SLC16A4: variants seen among roughly 807,000 people sequenced by gnomAD.
SLC16A4 encodes the protein probable monocarboxylate transporter 5.
Under a neutral mutation model 47.9 loss-of-function variants are expected in SLC16A4, and 39 were observed. The ratio of observed to expected loss-of-function variants is 0.81; its 90% confidence interval spans 0.63 to 1.06. SLC16A4 has a LOEUF of 1.06. Ranked by LOEUF, SLC16A4 falls within the 50% of genes least tolerant of loss-of-function variation. The pLI is 0.00. For missense variants in SLC16A4, 524 were observed against 573.8 expected (o/e 0.91, Z 0.89); for synonymous variants, 189 against 199.9 (o/e 0.95, Z 0.46).
chr1:110,380,641 G>A (rs534911073), intron 5 of SLC16A4, among the ~76,000 whole-genome samples: 1 of 139,098 alleles, frequency 7.2e-6, no homozygotes, highest in South Asian at 2.7e-4. Context: ...CGGGGGCGGG[G>A]GGGGAAGGGG....
intron 2 of SLC16A4, among the ~76,000 whole-genome samples, chr1:110,383,763 GAA>G (rs1557913434): frequency 2.2e-5 from 3 of 135,236 alleles, no homozygotes; most frequent in African/African-American, 8.6e-5. Context: ...AGGCAGGAAG[GAA>G]GTGTTTTTTT....
chr1:110,365,938 T>C (rs1661350500), intron 8 of SLC16A4, among the ~76,000 whole-genome samples: 1 of 152,044 alleles, frequency 6.6e-6, no homozygotes, highest in Admixed American at 6.6e-5. Context: ...TTTATAAGCC[T>C]TTTCTTTCTT....
chr1:110,383,565 C>A (rs1299733527), intron 2 of SLC16A4, among the ~76,000 whole-genome samples: 1 of 152,068 alleles, frequency 6.6e-6, no homozygotes, highest in Non-Finnish European at 1.5e-5. Context: ...TGGGTGGTGC[C>A]AGCTGATCCA....
intron 8 of SLC16A4, among the ~76,000 whole-genome samples, chr1:110,368,398 T>TA (rs1661508396): frequency 6.6e-6 from 1 of 152,214 alleles, no homozygotes; most frequent in African/African-American, 2.4e-5. Context: ...GATGCAGAAT[T>TA]ATTAAGCTGA....
chr1:110,363,813 A>AG lies in SLC16A4; in HGVS notation c.1416dup (p.Phe473LeufsTer27), dbSNP rs1491262029. On this transcript the variant is annotated frameshift_variant, in exon 9 of 9. Transcript: ENST00000369779. LOFTEE classifies it high-confidence loss of function. ...CTTTCGGCCAATGGTACAAAAAAAA[A>AG]GGAAACTGAAGAGAGGAGATAGCAT... 1.2e-6 allele frequency: 2 copies of AG among 1,612,176 alleles called. No individual in the cohort carries two copies. The highest frequency in any genetic ancestry group is 1.7e-6 in the Non-Finnish European group (2 of 1,179,350).
rs1661201674 is a variant in SLC16A4 at position 110,363,631 on chromosome 1, A to C, written c.*135T>G. 1 of 988,178 alleles carries C rather than the reference A, an allele frequency of 1.0e-6. No individual in the cohort carries two copies. 61.2% of individuals were successfully genotyped at this position (988,178 alleles called of 1,614,324 possible). On this transcript the variant is annotated 3_prime_UTR_variant, in exon 9 of 9. Coordinates refer to ENST00000369779, the MANE Select transcript of SLC16A4 (RefSeq NM_004696.3). ...AAAGAGCGAGACTCCGTCTCAAAAA[A>C]AAAAAAAAAAAAATTGTTTTCCTTC...
chr1:110,381,007 G>C lies in SLC16A4; in HGVS notation c.501C>G (p.Phe167Leu), dbSNP rs761628999. Residue 167 changes from phenylalanine (F) to leucine (L), a missense_variant, in exon 5 of 9, where the codon TTC becomes TTG. Transcript: ENST00000369779. ...LTFLLAPFTK[F>L]LIDLYDWTGA... ...CTGTCCAGTCATACAGATCTATCAGGAATTTTGTAAAGGGTGCCAAAAGAA... is the reference window on the plus strand; with the variant it reads ...CTGTCCAGTCATACAGATCTATCAGCAATTTTGTAAAGGGTGCCAAAAGAA... 1.9e-6 allele frequency: 3 copies of C among 1,614,094 alleles called. 1 individual carries two copies. In the South Asian group the frequency reaches 3.3e-5, roughly 18 times the overall value.
intron 2 of SLC16A4, among the ~76,000 whole-genome samples, chr1:110,387,530 G>T (rs1001837244): frequency 1.3e-5 from 2 of 152,210 alleles, no homozygotes; most frequent in African/African-American, 4.8e-5. Context: ...TGAGGATCCA[G>T]TGCATTTTTT....
At chr1:110,376,043 A>AT (rs1423830450) in intron 7 of SLC16A4, among the ~76,000 whole-genome samples, 1 of 151,730 alleles carries the variant, frequency 6.6e-6, no homozygotes, top group Non-Finnish European at 1.5e-5. Context: ...CACCTGGCTA[A>AT]TTTTTTTATT....
chr1:110,372,697 G>A (rs951391292), intron 8 of SLC16A4: 1 of 152,202 alleles, frequency 6.6e-6, no homozygotes, highest in Non-Finnish European at 1.5e-5. Context: ...CTAGGAGCAC[G>A]TCCTGGACTA....
rs375148870 is a variant in SLC16A4 at position 110,382,998 on chromosome 1, G to A, written c.88-32C>T. On this transcript the variant is annotated intron_variant, in intron 2 of 8. Transcript: ENST00000369779. ...CAAAGCAGACCAGAGTCCAACTCAG[G>A]TGGTAAGTGAGCCATTACAGAGGCA... 4.5e-6 allele frequency: 7 copies of A among 1,555,300 alleles called. No homozygotes were observed. In the African/African-American group the frequency reaches 5.4e-5, roughly 12 times the overall value.
At chr1:110,379,976 TAGCCTGGGAGGTGGAGGTTGCAGTG>T (rs1662270280) in intron 5 of SLC16A4, 1 of 149,838 alleles carries the variant, frequency 6.7e-6, no homozygotes, top group African/African-American at 2.5e-5. Flanking sequence ...GAGGATCGCT[TAGCCTGGGAGGTGGAGGTTGCAGTG>T]AGCCGGTATC....
chr1:110,366,998 A>C (rs1354746927), intron 8 of SLC16A4, among the ~76,000 whole-genome samples: 1 of 152,238 alleles, frequency 6.6e-6, no homozygotes, highest in African/African-American at 2.4e-5. Flanking sequence ...ATTTAGTTTT[A>C]GGATGCTGTT....
intron 2 of SLC16A4, among the ~76,000 whole-genome samples, chr1:110,385,168 A>G (rs1662668249): frequency 6.6e-6 from 1 of 152,062 alleles, no homozygotes; most frequent in African/African-American, 2.4e-5. Context: ...CTGCATACTT[A>G]TGGTGGTGTA....
At chr1:110,382,802 C>T in intron 3 of SLC16A4, 32 bp downstream of exon 3, 1 of 1,533,750 alleles carries the variant, frequency 6.5e-7, no homozygotes, top group South Asian at 1.2e-5. Flanking sequence ...GGTTCTTCTC[C>T]TTAGACAGCA....
chr1:110,382,395 G>C (rs903153516), intron 3 of SLC16A4, among the ~76,000 whole-genome samples: 2 of 151,986 alleles, frequency 1.3e-5, no homozygotes, highest in African/African-American at 4.8e-5. Flanking sequence ...GGAGGCAGAG[G>C]TTGCAGTGAG....
chr1:110,379,589 G>A (rs1662239891), intron 5 of SLC16A4, among the ~76,000 whole-genome samples: 1 of 152,028 alleles, frequency 6.6e-6, no homozygotes, highest in Admixed American at 6.6e-5. Flanking sequence ...AAGGAGAGAT[G>A]GTGGTTATTT....
Position 110,379,271 on chromosome 1 carries a change from G to T in SLC16A4, c.612C>A (p.Asn204Lys). The T allele has an allele frequency of 6.2e-7, 1 of 1,614,068 alleles. No homozygotes were observed. The highest frequency in any genetic ancestry group is 8.5e-7 in the Non-Finnish European group (1 of 1,180,006). Residue 204 changes from asparagine to lysine, a missense_variant, in exon 6 of 9, where the codon AAC (asparagine) becomes AAA (lysine). Coordinates refer to ENST00000369779, the MANE Select transcript of SLC16A4 (RefSeq NM_004696.3). ...TGCCTTTATCTTTAATACCAGAATTGTTCTCACTTTTGATATGGATGGGTC... is the reference window on the plus strand; with the variant it reads ...TGCCTTTATCTTTAATACCAGAATTTTTCTCACTTTTGATATGGATGGGTC... ...LLRPIHIKSE[N>K]NSGIKDKGSS...
chr1:110,381,726 A>G lies in SLC16A4; in HGVS notation c.290T>C (p.Val97Ala). The change falls in exon 4 of 9, where the codon GTT (valine) becomes GCT (alanine). Residue 97 changes from valine (V) to alanine (A), a missense_variant. Transcript: ENST00000369779. ...GCTGCTGATCAGATATCCACCAGTA[A>G]CAACGAAAGCCCCAAGAATGGAGGT... ...KTTSILGAFV[V>A]TGGYLISSWA... The G allele has an allele frequency of 6.2e-7, 1 of 1,613,924 alleles. No homozygotes were observed. The highest frequency in any genetic ancestry group is 8.5e-7 in the Non-Finnish European group (1 of 1,179,916).
Sources: allele counts gnomAD v4.1 joint callset (sites outside exome capture counted in the v4.1 genomes callset), GRCh38; gene constraint gnomAD v4.1.1; transcripts MANE v1.5; gene names NCBI Gene and HGNC (gene_info 2026-07-23, HGNC 2026-07-21).